The following GARIN2 variants were observed in gnomAD, a reference collection of about 807,000 sequenced individuals.
GARIN2 encodes Golgi-associated RAB2 interactor protein 2.
the GARIN2 span, among the ~76,000 whole-genome samples, chr14:67,212,405 T>C: frequency 6.6e-6 from 1 of 151,498 alleles, no homozygotes; most frequent in South Asian, 2.1e-4. Flanking sequence ...CTGGGCAACA[T>C]TGCAAAACCC....
the GARIN2 span, chr14:67,202,979 T>C: frequency 1.8e-6 from 2 of 1,115,528 alleles, no homozygotes; most frequent in Non-Finnish European, 2.5e-6. Flanking sequence ...GGAACAAATA[T>C]ATCATGGTTC....
chr14:67,215,406 G>GT, the GARIN2 span, among the ~76,000 whole-genome samples: 6,961 of 109,284 alleles, frequency 0.064, 152 homozygotes, highest in African/African-American at 0.11. Context: ...CTGATCTATT[G>GT]TTTTTTTTTT....
chr14:67,204,865 G>T, the GARIN2 span: 13 of 1,613,950 alleles, frequency 8.1e-6, no homozygotes, highest in Non-Finnish European at 1.0e-5. Flanking sequence ...ACATGTCAGG[G>T]ACAGCATAGA....
At chr14:67,211,830 C>A in the GARIN2 span, among the ~76,000 whole-genome samples, 3 of 152,054 alleles carry the variant, frequency 2.0e-5, no homozygotes, top group Admixed American at 1.3e-4. Context: ...GGTGATGGAG[C>A]AAGACACTGA....
chr14:67,198,151 G>T, the GARIN2 span: 1 of 1,607,572 alleles, frequency 6.2e-7, no homozygotes, highest in Admixed American at 1.7e-5. Context: ...TTATGTTTAT[G>T]TGCAAGCGCA....
At chr14:67,225,951 G>GTGTGTGTGTGTT in the GARIN2 span, among the ~76,000 whole-genome samples, 1 of 138,180 alleles carries the variant, frequency 7.2e-6, no homozygotes, top group Non-Finnish European at 1.5e-5. Context: ...GTGTGTGTGT[G>GTGTGTGTGTGTT]TGTGTGTGTG....
the GARIN2 span, among the ~76,000 whole-genome samples, chr14:67,192,004 G>A: frequency 9.1e-3 from 1,392 of 152,272 alleles, 38 homozygotes; most frequent in East Asian, 0.049. Context: ...AAAAAGTACT[G>A]GTTAAAAGAA....
the GARIN2 span, among the ~76,000 whole-genome samples, chr14:67,211,269 A>C: frequency 6.6e-6 from 1 of 152,190 alleles, no homozygotes; most frequent in Non-Finnish European, 1.5e-5. Context: ...GGTGGGAGGA[A>C]GGAAGGAAAG....
At chr14:67,213,850 T>C in the GARIN2 span, among the ~76,000 whole-genome samples, 6 of 152,170 alleles carry the variant, frequency 3.9e-5, no homozygotes, top group Non-Finnish European at 8.8e-5. Flanking sequence ...TTTTAATGAT[T>C]GCCATTCTAA....
chr14:67,228,285 T>C, the GARIN2 span: 1 of 273,516 alleles, frequency 3.7e-6, no homozygotes, highest in Admixed American at 6.5e-5. Context: ...AAAGTTGTAG[T>C]ATAAATATAA....
the GARIN2 span, chr14:67,198,864 G>A: frequency 1.5e-6 from 1 of 645,780 alleles, no homozygotes. Context: ...AAGAAATGGT[G>A]AAATGAGTTC....
the GARIN2 span, chr14:67,223,763 T>G: frequency 3.7e-4 from 360 of 985,134 alleles, 1 homozygote; most frequent in Non-Finnish European, 4.2e-4. Context: ...GCTTGTATAG[T>G]TTTTCAGTTT....
chr14:67,222,014 G>A, the GARIN2 span: 1 of 591,866 alleles, frequency 1.7e-6, no homozygotes, highest in Non-Finnish European at 2.8e-6. Context: ...CTTTCAAGTG[G>A]AAAACATTAT....
the GARIN2 span, among the ~76,000 whole-genome samples, chr14:67,215,859 C>T: frequency 6.7e-4 from 102 of 152,252 alleles, no homozygotes; most frequent in African/African-American, 2.4e-3. Context: ...ACTTCAAAAT[C>T]ATACCACAAA....
chr14:67,190,944 T>C, the GARIN2 span, among the ~76,000 whole-genome samples: 2 of 152,222 alleles, frequency 1.3e-5, no homozygotes, highest in Non-Finnish European at 2.9e-5. Flanking sequence ...ATTTAAGAGC[T>C]ATCATGTAGC....
the GARIN2 span, among the ~76,000 whole-genome samples, chr14:67,216,476 C>G: frequency 6.6e-6 from 1 of 152,042 alleles, no homozygotes; most frequent in African/African-American, 2.4e-5. Context: ...TCTAGTTCCT[C>G]AAGGTGCATC....
chr14:67,208,367 A>T, the GARIN2 span: 1 of 1,614,038 alleles, frequency 6.2e-7, no homozygotes, highest in Middle Eastern at 1.6e-4. Flanking sequence ...TGAGGCAAAT[A>T]CATCCAAGGA....
At chr14:67,198,234 G>T in the GARIN2 span, 10 of 1,613,946 alleles carry the variant, frequency 6.2e-6, no homozygotes, top group South Asian at 9.9e-5. Flanking sequence ...ACACTCCCAT[G>T]ATCCGAGAGA....
chr14:67,227,987 T>C, the GARIN2 span, among the ~76,000 whole-genome samples: 2 of 152,050 alleles, frequency 1.3e-5, no homozygotes, highest in Middle Eastern at 3.2e-3. Flanking sequence ...CTGGCCAACA[T>C]GGTGAAACCT....
Sources: allele counts gnomAD v4.1 joint callset (sites outside exome capture counted in the v4.1 genomes callset), GRCh38; gene constraint gnomAD v4.1.1; transcripts MANE v1.5; gene names NCBI Gene and HGNC (gene_info 2026-07-23, HGNC 2026-07-21).